GRIA2: variants seen among roughly 807,000 people sequenced by gnomAD.
GRIA2 encodes glutamate ionotropic receptor AMPA type subunit 2, also known as glutamate receptor 2.
Under a neutral mutation model 97.3 loss-of-function variants are expected in GRIA2, and 14 were observed. The ratio of observed to expected loss-of-function variants is 0.14; its 90% CI spans 0.10 to 0.23. The LOEUF (loss-of-function observed/expected upper bound fraction) is 0.23, where lower values mean the gene tolerates loss of function less well. Among genes scored for constraint, GRIA2 ranks in the 10% least tolerant of loss-of-function variants. The probability of loss-of-function intolerance (pLI) is 1.00; values close to 1 mark genes in which losing one functional copy is unlikely to be tolerated. For missense variants in GRIA2, 558 were observed against 1,069.8 expected (o/e 0.52, Z 6.67); for synonymous variants, 412 against 387.8 (o/e 1.06, Z -0.73).
intron 2 of GRIA2, among the ~76,000 whole-genome samples, chr4:157,293,008 A>C (rs540211862): frequency 6.6e-6 from 1 of 152,284 alleles, no homozygotes; most frequent in Non-Finnish European, 1.5e-5. Flanking sequence ...TTAAAACAAA[A>C]ATGAAATGTC....
intron 3 of GRIA2, among the ~76,000 whole-genome samples, chr4:157,306,765 C>A (rs1364830425): frequency 6.6e-6 from 1 of 152,102 alleles, no homozygotes; most frequent in Non-Finnish European, 1.5e-5. Flanking sequence ...GCTTTGCCAT[C>A]ATGCTACATT....
At chr4:157,285,853 C>G (rs1732818750) in intron 2 of GRIA2, among the ~76,000 whole-genome samples, 1 of 151,278 alleles carries the variant, frequency 6.6e-6, no homozygotes, top group South Asian at 2.1e-4. Context: ...ACTTATTGTT[C>G]CAGCTTTGTG....
intron 2 of GRIA2, among the ~76,000 whole-genome samples, chr4:157,255,384 T>C (rs2126752396): frequency 6.6e-6 from 1 of 152,168 alleles, no homozygotes; most frequent in South Asian, 2.1e-4. Flanking sequence ...CAGGTATCTT[T>C]TTAATATAAT....
intron 2 of GRIA2, among the ~76,000 whole-genome samples, chr4:157,293,585 A>C (rs557335916): frequency 6.6e-6 from 1 of 152,290 alleles, no homozygotes; most frequent in South Asian, 2.1e-4. Flanking sequence ...TAGTAAGCAA[A>C]GGGAATTTAC....
intron 2 of GRIA2, among the ~76,000 whole-genome samples, chr4:157,256,277 TATATATTAC>T (rs1731267738): frequency 7.6e-6 from 1 of 131,848 alleles, no homozygotes; most frequent in Admixed American, 8.1e-5. Flanking sequence ...ATATATATGT[TATATATTAC>T]ATATATTATA....
intron 12 of GRIA2, among the ~76,000 whole-genome samples, chr4:157,355,980 T>TA (rs1736320007): frequency 2.8e-5 from 2 of 71,940 alleles, no homozygotes; most frequent in Non-Finnish European, 4.3e-5. Flanking sequence ...AATATATATA[T>TA]TTATATATTT....
intron 2 of GRIA2, among the ~76,000 whole-genome samples, chr4:157,234,991 T>G (rs1017091527): frequency 6.6e-6 from 1 of 152,082 alleles, no homozygotes; most frequent in African/African-American, 2.4e-5. Flanking sequence ...CTGAATTGAC[T>G]CTTATTCTTC....
chr4:157,329,397 G>T (rs1235725748), intron 6 of GRIA2, among the ~76,000 whole-genome samples: 1 of 151,770 alleles, frequency 6.6e-6, no homozygotes, highest in Non-Finnish European at 1.5e-5. Flanking sequence ...AATGTACCAG[G>T]CCATAAAACT....
Position 157,312,685 on chromosome 4 carries a change from C to T in GRIA2, c.476C>T (p.Ser159Leu), listed in dbSNP as rs199654327. 4.7e-5 allele frequency: 75 copies of T among 1,584,852 alleles called. No individual in the cohort carries two copies. The East Asian group carries it at 9.9e-4, about 21-fold the overall frequency. ...TTTTTCTTTGCCTTCCTAGGCTTAT[C>T]AACACTGCAAGCTGTGCTGGATTCT... ...AYLYDSDRGL[S>L]TLQAVLDSAA... The change falls in exon 4 of 16, where the codon TCA becomes TTA. Residue 159 changes from serine (S) to leucine (L), a missense_variant. Ser to Leu is a moderately radical substitution (Grantham distance 145). This residue lies in a region of GRIA2 where 173 missense variants were observed against 209.1 expected (regional missense o/e 0.83). Coordinates refer to ENST00000264426, the MANE Select transcript of GRIA2 (RefSeq NM_001083619.3).
chr4:157,247,077 A>G lies in GRIA2; in HGVS notation c.229+25270A>G, dbSNP rs537470121. The stretch of plus-strand genomic sequence containing the variant: ...AGATAAAGATGACAGTCTTGGGACT[A>G]AAGATGAATAGTTGGGACTTCTCAG... On this transcript the variant is annotated intron_variant, in intron 2 of 15. Coordinates refer to ENST00000264426, the MANE Select transcript of GRIA2 (RefSeq NM_001083619.3). Among the ~76,000 whole-genome samples, 63 of 152,268 alleles carry G rather than the reference A, an allele frequency of 4.1e-4. No individual in the cohort carries two copies. In the South Asian group the frequency reaches 0.012, roughly 29 times the overall value.
chr4:157,355,625 T>C (rs1336351019), intron 12 of GRIA2, among the ~76,000 whole-genome samples: 1 of 138,126 alleles, frequency 7.2e-6, no homozygotes, highest in Non-Finnish European at 1.5e-5. Context: ...TATTTATATA[T>C]ATTTATTTAT....
chr4:157,342,557 T>A, intron 12 of GRIA2: 1 of 434,322 alleles, frequency 2.3e-6, no homozygotes, highest in South Asian at 9.8e-5. Flanking sequence ...TCTTGTAATG[T>A]AGATTTCTTA....
At chr4:157,350,756 C>A (rs750278163) in intron 12 of GRIA2, among the ~76,000 whole-genome samples, 59 of 151,790 alleles carry the variant, frequency 3.9e-4, no homozygotes, top group Non-Finnish European at 6.3e-4. Context: ...AGTTTATTAG[C>A]TTTTTGGTAA....
intron 14 of GRIA2, among the ~76,000 whole-genome samples, 175 bp from the exon 15 acceptor site, chr4:157,362,624 G>A (rs982062240): frequency 1.1e-4 from 17 of 152,086 alleles, no homozygotes; most frequent in African/African-American, 3.4e-4. Context: ...ATTTTATGTT[G>A]TTTCATGGTA....
intron 11 of GRIA2, among the ~76,000 whole-genome samples, chr4:157,340,006 TTC>T (rs1232428808): frequency 6.6e-6 from 1 of 151,926 alleles, no homozygotes; most frequent in Non-Finnish European, 1.5e-5. Flanking sequence ...CTTGCTATTT[TTC>T]TCTCTCTATC....
intron 2 of GRIA2, among the ~76,000 whole-genome samples, chr4:157,272,555 T>C (rs1289121815): frequency 6.6e-6 from 1 of 152,082 alleles, no homozygotes; most frequent in African/African-American, 2.4e-5. Flanking sequence ...GCTCACTCCC[T>C]TCATCACTTT....
At chr4:157,301,649 G>T (rs538991212) in intron 2 of GRIA2, among the ~76,000 whole-genome samples, 1 of 152,190 alleles carries the variant, frequency 6.6e-6, no homozygotes, top group African/African-American at 2.4e-5. Flanking sequence ...ACATATTTTA[G>T]CAATGCTCGT....
intron 12 of GRIA2, among the ~76,000 whole-genome samples, chr4:157,349,355 T>G (rs1735902648): frequency 6.6e-6 from 1 of 152,174 alleles, no homozygotes; most frequent in East Asian, 1.9e-4. Context: ...GTACATTTCC[T>G]TATTTTGAAA....
intron 11 of GRIA2, 65 bp downstream of exon 11, chr4:157,336,812 T>C: frequency 1.3e-6 from 2 of 1,483,124 alleles, no homozygotes. Context: ...ATGGTGTTTA[T>C]GGATTCACCC....
Sources: gnomAD v4.1 joint callset for allele counts (sites outside exome capture counted in the v4.1 genomes callset) on GRCh38, gnomAD v4.1.1 for gene constraint, gnomAD v4.1.1 regional missense constraint, MANE v1.5 for transcripts, NCBI Gene and HGNC (gene_info 2026-07-23, HGNC 2026-07-21) for gene names.